Variants in FRY observed in about 807,000 individuals in gnomAD.
The protein encoded by FRY is FRY microtubule binding protein, also known as protein furry homolog.
A neutral mutation model predicts 348.4 loss-of-function variants in FRY; 128 were observed. The ratio of observed to expected loss-of-function variants is 0.37; its 90% confidence interval spans 0.32 to 0.43. The LOEUF (loss-of-function observed/expected upper bound fraction) is 0.43, where lower values mean the gene tolerates loss of function less well. Among genes scored for constraint, FRY ranks in the 20% least tolerant of loss-of-function variants. FRY has a pLI of 1.00. For missense variants in FRY, 2,736 were observed against 3,695.2 expected, an observed-to-expected ratio of 0.74 and a Z score of 6.73; for synonymous variants, 1,370 against 1,374.7, an observed-to-expected ratio of 1.00 and a Z score of 0.08.
chr13:32,288,852 A>C (rs771722760), intron 58 of FRY, among the ~76,000 whole-genome samples: 56 of 152,212 alleles, frequency 3.7e-4, no homozygotes, highest in Non-Finnish European at 6.0e-4. Flanking sequence ...TAAAATAGGC[A>C]AAGTGTAGAG....
intron 1 of FRY, among the ~76,000 whole-genome samples, chr13:32,071,616 G>A (rs1360966160): frequency 6.6e-6 from 1 of 152,186 alleles, no homozygotes; most frequent in Non-Finnish European, 1.5e-5. Flanking sequence ...ATTTTGGGCT[G>A]AGATGATGGG....
chr13:32,070,137 A>C (rs188248469), intron 1 of FRY, among the ~76,000 whole-genome samples: 130 of 152,210 alleles, frequency 8.5e-4, no homozygotes, highest in African/African-American at 3.1e-3. Flanking sequence ...GGTTGGTTCC[A>C]AGTCTTTGCT....
chr13:32,115,884 A>G (rs1385077943), intron 3 of FRY, among the ~76,000 whole-genome samples: 2 of 152,060 alleles, frequency 1.3e-5, no homozygotes, highest in Non-Finnish European at 2.9e-5. Context: ...CTGCATATGT[A>G]TACTTACATA....
At chr13:32,107,542 T>C (rs1877635844) in intron 3 of FRY, among the ~76,000 whole-genome samples, 1 of 152,186 alleles carries the variant, frequency 6.6e-6, no homozygotes, top group African/African-American at 2.4e-5. Context: ...TGAGTTTTTT[T>C]CCATTGTTAT....
chr13:32,106,503 T>A (rs1173306958), intron 3 of FRY, among the ~76,000 whole-genome samples: 1 of 152,254 alleles, frequency 6.6e-6, no homozygotes, highest in African/African-American at 2.4e-5. Flanking sequence ...TTATTTTTTC[T>A]TTCTTATGTA....
rs1446417697 is a variant in FRY, at chr13:32,294,499, C to T, written c.8712C>T (p.Ala2904=). The change falls in exon 60 of 61, where the codon GCC becomes GCT. Residue 2904 remains alanine, a synonymous_variant. Transcript: ENST00000542859. ...SEPTFTSTEA[A]IQSMLECLKN... ...CCACCTTCACGTCCACTGAAGCAGC[C>T]ATCCAGTCCATGCTGGAGTGCCTGA... The T allele has an allele frequency of 2.5e-6, 4 of 1,614,092 alleles. No homozygotes were observed. Among genetic ancestry groups the T allele is most frequent in the Non-Finnish European group, 3.4e-6 (4 of 1,179,918 alleles).
intron 29 of FRY, among the ~76,000 whole-genome samples, chr13:32,198,178 C>G (rs1344124481): frequency 6.6e-6 from 1 of 152,134 alleles, no homozygotes; most frequent in East Asian, 1.9e-4. Flanking sequence ...AATAAATGCT[C>G]TGATTACAAG....
In FRY at chr13:32,239,106, T is replaced by C. The variant is rs1405287954; in HGVS notation, c.6419-146T>C. On this transcript the variant is annotated intron_variant, in intron 44 of 60. Transcript: ENST00000542859. This position sits in a 1 kb window ranked among gnomAD's most constrained non-coding sequence, Gnocchi z 4.3. ...TGCAATTGTGGTTGTGCATTTTTCA[T>C]AGATTTTGTGTTAGATCATGTTTAA... The C allele has an allele frequency of 4.4e-6, 3 of 684,628 alleles. No homozygotes were observed. The highest frequency in any genetic ancestry group is 2.7e-6 in the Non-Finnish European group (1 of 373,760). The allele number at this position is 684,628 out of a possible 1,614,324, so 42.4% of individuals were successfully genotyped here. A position where few individuals can be genotyped will look rare whatever the true frequency, so the allele number is the denominator to read the frequency against.
chr13:32,289,479 A>G (rs758486335), intron 58 of FRY, among the ~76,000 whole-genome samples, 154 bp from the exon 59 acceptor site: 3 of 152,222 alleles, frequency 2.0e-5, no homozygotes, highest in Non-Finnish European at 4.4e-5. Flanking sequence ...TATTTATTTA[A>G]TGACTGTATT....
At chr13:32,225,743 C>A (rs377350417) in intron 38 of FRY, 46 bp from the exon 39 acceptor site, 1 of 1,362,728 alleles carries the variant, frequency 7.3e-7, no homozygotes. Flanking sequence ...GGAATCTAAA[C>A]GAGCTTAACG....
chr13:32,273,898 C>CAAATCCAA (rs1888350181), intron 55 of FRY, among the ~76,000 whole-genome samples: 2 of 152,114 alleles, frequency 1.3e-5, no homozygotes, highest in African/African-American at 4.8e-5. Context: ...CTGAGCATCC[C>CAAATCCAA]AAATCCAAAA....
At chr13:32,205,160 G>C (rs1350864210) in intron 31 of FRY, among the ~76,000 whole-genome samples, 1 of 133,530 alleles carries the variant, frequency 7.5e-6, no homozygotes, top group Non-Finnish European at 1.5e-5. Context: ...CCGAGATTGT[G>C]CTACTGCACT....
At position 32,224,917 on chromosome 13, in the gene FRY, T is replaced by G; in HGVS notation, c.4917-16T>G. 1 of 1,444,986 alleles carries G rather than the reference T, an allele frequency of 6.9e-7. No homozygotes were observed. The highest frequency in any genetic ancestry group is 9.8e-7 in the Non-Finnish European group (1 of 1,025,380). The allele number at this position is 1,444,986 out of a possible 1,614,324, so 89.5% of individuals were successfully genotyped here. Reference sequence around the variant, plus strand: ...CCCTTCAGAAGTTGCATTAATTTCATTATTTCATTGATTAGGTGCAATATT... The same window carrying G: ...CCCTTCAGAAGTTGCATTAATTTCAGTATTTCATTGATTAGGTGCAATATT... On this transcript the variant is annotated splice_polypyrimidine_tract_variant and intron_variant, in intron 37 of 60. Coordinates refer to ENST00000542859, the MANE Select transcript of FRY (RefSeq NM_023037.3).
At chr13:32,125,634 G>A (rs752859955) in intron 7 of FRY, among the ~76,000 whole-genome samples, 19 of 151,836 alleles carry the variant, frequency 1.3e-4, no homozygotes, top group Non-Finnish European at 2.2e-4. Context: ...TATCTTCAAG[G>A]GATTGAATTT....
intron 51 of FRY, 67 bp downstream of exon 51, chr13:32,254,461 T>C: frequency 1.5e-6 from 2 of 1,348,020 alleles, no homozygotes; most frequent in South Asian, 1.2e-5. Context: ...CTATTCTTTT[T>C]ACCTGCTAAA....
rs370065675 is a variant in FRY, at chr13:32,287,542, C to T, written c.8470-2091C>T. Among the ~76,000 whole-genome samples, 43 of 152,284 alleles carry T rather than the reference C, an allele frequency of 2.8e-4. No homozygotes were observed. In the South Asian group the frequency reaches 7.2e-3, roughly 26 times the overall value. On this transcript the variant is annotated intron_variant, in intron 58 of 60. Coordinates refer to ENST00000542859, the MANE Select transcript of FRY (RefSeq NM_023037.3). ...TGTTCACATATTATGCACACTTATA[C>T]GCTAAAATCTTCAAGCAATAAAAGC... is the stretch of plus-strand genomic sequence containing the variant.
chr13:32,240,836 A>G (rs1266647726), intron 46 of FRY, among the ~76,000 whole-genome samples: 2 of 152,192 alleles, frequency 1.3e-5, no homozygotes, highest in African/African-American at 4.8e-5. Flanking sequence ...ATCAATCCAG[A>G]TGCCAGATAG....
chr13:32,242,104 G>T (rs1369905736), intron 46 of FRY, among the ~76,000 whole-genome samples: 1 of 152,144 alleles, frequency 6.6e-6, no homozygotes, highest in African/African-American at 2.4e-5. Flanking sequence ...TCTCCCTTTT[G>T]TTGCTAATGT....
At chr13:32,179,831 C>T in intron 23 of FRY, 32 bp downstream of exon 23, 3 of 1,600,790 alleles carry the variant, frequency 1.9e-6, no homozygotes, top group Non-Finnish European at 2.6e-6. Flanking sequence ...GTTCTAAATT[C>T]ATACATGCTG....
Sources: allele counts gnomAD v4.1 joint callset (sites outside exome capture counted in the v4.1 genomes callset), GRCh38; gene constraint gnomAD v4.1.1; non-coding constraint Gnocchi (gnomAD v3.1); transcripts MANE v1.5; gene names NCBI Gene and HGNC (gene_info 2026-07-23, HGNC 2026-07-21).